ARHGEF11: variants seen among roughly 807,000 people sequenced by gnomAD.
The protein encoded by ARHGEF11 is Rho guanine exchange factor (GEF) 11.
Under a neutral mutation model 193.7 loss-of-function variants are expected in ARHGEF11, and 55 were observed. That is an observed-to-expected ratio of 0.28 (90% CI 0.23 to 0.36). The LOEUF is 0.36. Ranked by LOEUF, ARHGEF11 falls within the 10% of genes least tolerant of loss-of-function variation. The pLI is 1.00. For missense variants in ARHGEF11, 1,723 were observed against 2,005.6 expected (o/e 0.86, Z 2.69); for synonymous variants, 693 against 768.0 (o/e 0.90, Z 1.62).
At chr1:156,973,213 C>T (rs1234896703) in intron 7 of ARHGEF11, among the ~76,000 whole-genome samples, 1 of 152,180 alleles carries the variant, frequency 6.6e-6, no homozygotes, top group African/African-American at 2.4e-5. Context: ...TAGGCATGAG[C>T]CACCATGCCC....
At chr1:156,996,887 A>G (rs953699182) in intron 1 of ARHGEF11, among the ~76,000 whole-genome samples, 2 of 134,872 alleles carry the variant, frequency 1.5e-5, no homozygotes, top group Non-Finnish European at 3.1e-5. Flanking sequence ...TTTGAGACAA[A>G]GTCTTGCTCT....
chr1:156,946,293 G>A, intron 28 of ARHGEF11, 131 bp from the exon 29 acceptor site: 1 of 724,086 alleles, frequency 1.4e-6, no homozygotes, highest in Non-Finnish European at 2.3e-6. Flanking sequence ...AGAAATGGCA[G>A]TGGAAGCTTC....
chr1:156,978,327 G>A lies in ARHGEF11; in HGVS notation c.387C>T (p.Ile129=). 6.2e-7 allele frequency: 1 copy of A among 1,613,954 alleles called. No homozygotes were observed. Among genetic ancestry groups the A allele is most frequent in the Non-Finnish European group, 8.5e-7 (1 of 1,179,930 alleles). ...LLGSSPSSMG[I]SGLQQDPSPA... ...GGGATGGGTCCTGCTGGAGCCCAGA[G>A]ATGCCCATGGATGAAGGTGAAGAGC... is the stretch of plus-strand genomic sequence containing the variant. Residue 129 remains isoleucine, a synonymous_variant, in exon 6 of 41, where the codon ATC becomes ATT. Transcript: ENST00000368194.
chr1:156,936,497 A>ATATATATATAAAT (rs1553192805), intron 40 of ARHGEF11, among the ~76,000 whole-genome samples: 7 of 33,916 alleles, frequency 2.1e-4, no homozygotes, highest in African/African-American at 1.1e-3. Flanking sequence ...AAAAAAAAAA[A>ATATATATATAAAT]ATATATATAT....
intron 1 of ARHGEF11, among the ~76,000 whole-genome samples, chr1:157,002,857 G>A (rs573063741): frequency 6.6e-6 from 1 of 152,146 alleles, no homozygotes; most frequent in Non-Finnish European, 1.5e-5. Flanking sequence ...GTAAATGCTG[G>A]CCCTGACATT....
chr1:156,994,281 A>C (rs987844912), intron 1 of ARHGEF11, among the ~76,000 whole-genome samples: 12 of 152,200 alleles, frequency 7.9e-5, no homozygotes, highest in Non-Finnish European at 1.8e-4. Context: ...TGTTAGCTGA[A>C]GGACCCATAT....
intron 11 of ARHGEF11, among the ~76,000 whole-genome samples, chr1:156,964,651 C>CA (rs1426848784): frequency 6.6e-6 from 1 of 152,202 alleles, no homozygotes; most frequent in Non-Finnish European, 1.5e-5. Flanking sequence ...GTATCTCAGA[C>CA]ACTAGAGTCT....
Position 156,946,278 on chromosome 1 carries a change from C to T in ARHGEF11, c.2695-116G>A, listed in dbSNP as rs186454973. 1.4e-3 allele frequency: 1,147 copies of T among 815,154 alleles called. 7 individuals are homozygous for T. Among genetic ancestry groups the T allele is most frequent in the Non-Finnish European group, 6.6e-4 (333 of 504,052 alleles). 50.5% of individuals were successfully genotyped at this position (815,154 alleles called of 1,614,324 possible). On this transcript the variant is annotated intron_variant, in intron 28 of 40. Coordinates refer to ENST00000368194, the MANE Select transcript of ARHGEF11 (RefSeq NM_198236.3). ...AAACAGGTCCTAACGCCAGATGGAT[C>T]ACTCAGAAATGGCAGTGGAAGCTTC...
At chr1:157,035,563 G>A (rs981355524) in intron 1 of ARHGEF11, among the ~76,000 whole-genome samples, 19 of 151,750 alleles carry the variant, frequency 1.3e-4, no homozygotes, top group African/African-American at 1.5e-4. Flanking sequence ...GCACCACCAC[G>A]TGCGGCTAAT....
At chr1:156,996,555 C>T (rs1244083083) in intron 1 of ARHGEF11, among the ~76,000 whole-genome samples, 4 of 151,830 alleles carry the variant, frequency 2.6e-5, no homozygotes, top group South Asian at 2.1e-4. Flanking sequence ...GGGCGGATCA[C>T]GAGGTCAGGA....
intron 1 of ARHGEF11, among the ~76,000 whole-genome samples, chr1:157,008,167 A>G (rs763644628): frequency 4.6e-5 from 7 of 152,188 alleles, no homozygotes; most frequent in Non-Finnish European, 8.8e-5. Context: ...GATAAAGGCT[A>G]GAAAGAATCT....
chr1:156,980,544 G>A (rs1365784257), intron 3 of ARHGEF11, 58 bp from the exon 4 acceptor site: 7 of 1,539,238 alleles, frequency 4.5e-6, no homozygotes, highest in East Asian at 4.8e-5. Context: ...GAAGCTACAC[G>A]AAGGTCCCTG....
chr1:156,998,742 C>T (rs1557929615), intron 1 of ARHGEF11, among the ~76,000 whole-genome samples: 1 of 152,214 alleles, frequency 6.6e-6, no homozygotes, highest in East Asian at 1.9e-4. Flanking sequence ...AACCATTTTA[C>T]AGATCTCCTA....
Position 156,948,503 on chromosome 1 carries a change from G to A in ARHGEF11, c.1926-5C>T, listed in dbSNP as rs776920970. 1 of 1,614,196 alleles carries A rather than the reference G, an allele frequency of 6.2e-7. No individual in the cohort carries two copies. Reference sequence around the variant, plus strand: ...AGGCGAATCTCTGAGCGTGAACTGGGGGGAAGGGACAAAAGACTTTGGGAC... The same window carrying A: ...AGGCGAATCTCTGAGCGTGAACTGGAGGGAAGGGACAAAAGACTTTGGGAC... On this transcript the variant is annotated splice_polypyrimidine_tract_variant and splice_region_variant and intron_variant, in intron 22 of 40. Coordinates refer to ENST00000368194, the MANE Select transcript of ARHGEF11 (RefSeq NM_198236.3). This position sits in a 1 kb window ranked among gnomAD's most constrained non-coding sequence, Gnocchi z 4.2.
chr1:156,984,267 G>A, intron 3 of ARHGEF11, 72 bp downstream of exon 3: 2 of 1,226,766 alleles, frequency 1.6e-6, no homozygotes, highest in Non-Finnish European at 2.3e-6. Flanking sequence ...AGCACAGGTA[G>A]AATGGCACTG....
chr1:157,022,291 C>A (rs541814742), intron 1 of ARHGEF11, among the ~76,000 whole-genome samples: 1 of 152,178 alleles, frequency 6.6e-6, no homozygotes, highest in South Asian at 2.1e-4. Flanking sequence ...AGGGAATCCA[C>A]AACAAAACCT....
chr1:156,992,186 A>C (rs1665828577), intron 1 of ARHGEF11, among the ~76,000 whole-genome samples: 1 of 152,110 alleles, frequency 6.6e-6, no homozygotes, highest in African/African-American at 2.4e-5. Flanking sequence ...AACTAAATAA[A>C]TACCTATACA....
chr1:157,039,091 C>T lies in ARHGEF11; in HGVS notation c.32+5208G>A, dbSNP rs111232416. ...TTAGGGGCCATGGATTTCTCAGTTC[C>T]TCCCCATGTTTCCATGTCCCTGTAC... On this transcript the variant is annotated intron_variant, in intron 1 of 40. Transcript: ENST00000368194. Among the ~76,000 whole-genome samples, 5 of 152,272 alleles carry T rather than the reference C, an allele frequency of 3.3e-5. 1 individual carries two copies. Among genetic ancestry groups the T allele is most frequent in the African/African-American group, 1.2e-4 (5 of 41,552 alleles).
At chr1:156,941,640 C>T (rs1656969518) in intron 34 of ARHGEF11, among the ~76,000 whole-genome samples, 1 of 152,226 alleles carries the variant, frequency 6.6e-6, no homozygotes, top group Non-Finnish European at 1.5e-5. Flanking sequence ...TCTTCAGGCT[C>T]AGCTCTATTA....
Sources: gnomAD v4.1 joint callset for allele counts (sites outside exome capture counted in the v4.1 genomes callset) on GRCh38, gnomAD v4.1.1 for gene constraint, Gnocchi (gnomAD v3.1) non-coding constraint, MANE v1.5 for transcripts, NCBI Gene and HGNC (gene_info 2026-07-23, HGNC 2026-07-21) for gene names.